LZTFL1: variants seen among roughly 807,000 people sequenced by gnomAD.
The protein encoded by LZTFL1 is leucine zipper transcription factor-like protein 1.
In LZTFL1, 25 loss-of-function variants were observed where a neutral mutation model predicts 45.9. The observed-to-expected ratio is 0.54, with a 90% CI of 0.40 to 0.76. The LOEUF is 0.76. LZTFL1 is among the 30% of genes least tolerant of loss of function. LZTFL1 has a pLI of 0.00. For synonymous variants in LZTFL1, 93 were observed against 117.4 expected (o/e 0.79, Z 1.35); for missense variants, 277 against 331.1 (o/e 0.84, Z 1.27).
chr3:45,869,386 G>A (rs1278311120), intron 2 of LZTFL1, among the ~76,000 whole-genome samples: 2 of 152,200 alleles, frequency 1.3e-5, no homozygotes, highest in African/African-American at 2.4e-5. Context: ...AAGACGCCAT[G>A]CCTTCCAGTC....
upstream of LZTFL1, among the ~76,000 whole-genome samples, chr3:45,846,570 C>T (rs1701220548): frequency 3.9e-5 from 6 of 152,124 alleles, no homozygotes; most frequent in South Asian, 1.2e-3. Context: ...AGTTCATGAG[C>T]ATACATTATG....
intron 4 of LZTFL1, among the ~76,000 whole-genome samples, chr3:45,854,164 C>T (rs1701350177): frequency 6.6e-6 from 1 of 152,220 alleles, no homozygotes; most frequent in African/African-American, 2.4e-5. Context: ...ACATTGGTAT[C>T]CCTTGAAAAT....
intron 2 of LZTFL1, among the ~76,000 whole-genome samples, chr3:45,905,556 C>T (rs1242497120): frequency 6.6e-6 from 1 of 152,228 alleles, no homozygotes; most frequent in Non-Finnish European, 1.5e-5. Flanking sequence ...CAAGAAAGAA[C>T]TTGTAGGGAG....
chr3:45,835,478 C>G, intron 3 of LZTFL1, 112 bp downstream of exon 3: 1 of 982,116 alleles, frequency 1.0e-6, no homozygotes, highest in Non-Finnish European at 1.6e-6. Context: ...TTACCCTACC[C>G]AAATTTCCTC....
At chr3:45,835,853 T>C (rs1575257834) in intron 2 of LZTFL1, 69 bp from the exon 3 acceptor site, 5 of 1,118,276 alleles carry the variant, frequency 4.5e-6, no homozygotes, top group Non-Finnish European at 5.1e-6. Context: ...ACAGCAAAAT[T>C]AAGAAACCCA....
At chr3:45,880,480 C>T (rs532313512) in intron 2 of LZTFL1, among the ~76,000 whole-genome samples, 12 of 151,988 alleles carry the variant, frequency 7.9e-5, no homozygotes, top group Non-Finnish European at 1.2e-4. Context: ...CCAGCCTGGG[C>T]GACAGAGCAA....
At chr3:45,855,590 A>G (rs1701379664) in intron 3 of LZTFL1, among the ~76,000 whole-genome samples, 1 of 152,140 alleles carries the variant, frequency 6.6e-6, no homozygotes, top group South Asian at 2.1e-4. Flanking sequence ...AGGGTATTCA[A>G]ATAGGAACAG....
intron 2 of LZTFL1, among the ~76,000 whole-genome samples, chr3:45,861,744 A>G (rs575319542): frequency 6.6e-6 from 1 of 152,332 alleles, no homozygotes; most frequent in African/African-American, 2.4e-5. Context: ...CATAACTGAT[A>G]TGAATTCTAC....
Position 45,831,834 on chromosome 3 carries a change from C to T in LZTFL1, c.457-696G>A, listed in dbSNP as rs9819683. 2.2e-3 allele frequency among the ~76,000 whole-genome samples: 334 copies of T among 152,264 alleles called. 3 individuals carry two copies. Among genetic ancestry groups the T allele is most frequent in the African/African-American group, 7.7e-3 (318 of 41,530 alleles). Reference sequence around the variant, plus strand: ...GAGCCTGTTCTCACCTACTGTTATCCACACACAACTGAGTCTTCTCTGCTA... The same window carrying T: ...GAGCCTGTTCTCACCTACTGTTATCTACACACAACTGAGTCTTCTCTGCTA... On this transcript the variant is annotated intron_variant, in intron 5 of 9. Transcript: ENST00000296135.
At chr3:45,867,556 A>G (rs1000733448) in intron 2 of LZTFL1, among the ~76,000 whole-genome samples, 4 of 152,176 alleles carry the variant, frequency 2.6e-5, no homozygotes, top group African/African-American at 7.2e-5. Context: ...TAGAAAACTC[A>G]TCTTAGGCTG....
At chr3:45,914,010 C>G (rs935522759) in intron 1 of LZTFL1, among the ~76,000 whole-genome samples, 1 of 152,180 alleles carries the variant, frequency 6.6e-6, no homozygotes, top group African/African-American at 2.4e-5. Flanking sequence ...TAGAAACATC[C>G]TCCTCTCCAA....
At chr3:45,846,158 C>G (rs561983772), upstream of LZTFL1, among the ~76,000 whole-genome samples, 23 of 152,318 alleles carry the variant, frequency 1.5e-4, no homozygotes, top group Non-Finnish European at 3.1e-4. Flanking sequence ...GACATGCCCT[C>G]TCTTGGAAAG....
intron 4 of LZTFL1, among the ~76,000 whole-genome samples, chr3:45,853,901 A>G (rs902830450): frequency 6.6e-6 from 1 of 152,086 alleles, no homozygotes; most frequent in Admixed American, 6.5e-5. Flanking sequence ...AGTGGCCTCT[A>G]TTGACTTCTT....
chr3:45,889,467 G>A (rs952193420), intron 2 of LZTFL1, among the ~76,000 whole-genome samples: 2 of 152,044 alleles, frequency 1.3e-5, no homozygotes, highest in African/African-American at 2.4e-5. Context: ...TGTGCTGAAC[G>A]TTAGAGCATT....
chr3:45,833,825 A>G (rs1700896942), intron 4 of LZTFL1, among the ~76,000 whole-genome samples: 2 of 152,198 alleles, frequency 1.3e-5, no homozygotes, highest in African/African-American at 4.8e-5. Flanking sequence ...GTAGATAACT[A>G]CTAGTATTGT....
At chr3:45,853,261 T>C (rs1701333757) in intron 4 of LZTFL1, among the ~76,000 whole-genome samples, 1 of 152,246 alleles carries the variant, frequency 6.6e-6, no homozygotes, top group African/African-American at 2.4e-5. Flanking sequence ...ATAGCAAAAT[T>C]AAACAGAAAG....
At chr3:45,838,753 T>C (rs1701029648) in intron 1 of LZTFL1, among the ~76,000 whole-genome samples, 1 of 152,182 alleles carries the variant, frequency 6.6e-6, no homozygotes, top group Admixed American at 6.5e-5. Context: ...GCATCAGCCA[T>C]GTTAGTTGGA....
chr3:45,891,439 C>G (rs936917318), intron 2 of LZTFL1, among the ~76,000 whole-genome samples: 2 of 152,164 alleles, frequency 1.3e-5, no homozygotes, highest in Non-Finnish European at 2.9e-5. Context: ...CTCCTTCTCT[C>G]TATATACATA....
intron 2 of LZTFL1, among the ~76,000 whole-genome samples, chr3:45,887,913 C>T (rs149328883): frequency 3.3e-4 from 50 of 151,430 alleles, no homozygotes; most frequent in Non-Finnish European, 6.2e-4. Context: ...ATTCAAGCTC[C>T]GTGTAGCAAA....
Sources: gnomAD v4.1 joint callset for allele counts (sites outside exome capture counted in the v4.1 genomes callset) on GRCh38, gnomAD v4.1.1 for gene constraint, MANE v1.5 for transcripts, NCBI Gene and HGNC (gene_info 2026-07-23, HGNC 2026-07-21) for gene names.